Variants in RNF212B observed in about 807,000 individuals in gnomAD.
RNF212B encodes ring finger protein 212B.
A neutral mutation model predicts 55.5 loss-of-function variants in RNF212B; 52 were observed. That is an observed-to-expected ratio of 0.94 (90% CI 0.75 to 1.18). The LOEUF is 1.18. Ranked by LOEUF, RNF212B falls within the 50% of genes most tolerant of loss-of-function variation. The probability of loss-of-function intolerance (pLI) is 0.00; values close to 1 mark genes in which losing one functional copy is unlikely to be tolerated. For synonymous variants in RNF212B, 99 were observed against 121.4 expected, an observed-to-expected ratio of 0.82 and a Z score of 1.21; for missense variants, 289 against 350.4, an observed-to-expected ratio of 0.82 and a Z score of 1.40.
chr14:23,266,498 G>A (rs1885716728), intron 11 of RNF212B, among the ~76,000 whole-genome samples: 1 of 126,924 alleles, frequency 7.9e-6, no homozygotes, highest in South Asian at 2.7e-4. Flanking sequence ...CGCAACCTCC[G>A]CCTCCCAGGT....
chr14:23,218,366 T>A (rs1881280819), intron 2 of RNF212B, among the ~76,000 whole-genome samples: 1 of 81,906 alleles, frequency 1.2e-5, no homozygotes, highest in Admixed American at 1.5e-4. Context: ...AGAGTCTATC[T>A]CAAAAAAAAA....
chr14:23,270,786 T>C (rs1886018672), intron 14 of RNF212B, 125 bp downstream of exon 14: 1 of 669,952 alleles, frequency 1.5e-6, no homozygotes, highest in African/African-American at 1.8e-5. Context: ...CTCTGGTAAC[T>C]ATATGTTCAC....
intron 11 of RNF212B, among the ~76,000 whole-genome samples, chr14:23,267,027 G>A (rs781688506): frequency 1.3e-5 from 2 of 152,128 alleles, no homozygotes; most frequent in African/African-American, 2.4e-5. Context: ...GGAGTGTAGT[G>A]GCACAATTGT....
At chr14:23,199,913 A>G (rs1879116603) in intron 2 of RNF212B, among the ~76,000 whole-genome samples, 2 of 152,248 alleles carry the variant, frequency 1.3e-5, no homozygotes, top group Admixed American at 6.5e-5. Flanking sequence ...AAACATGGGA[A>G]AAAAAGAAGG....
intron 4 of RNF212B, among the ~76,000 whole-genome samples, chr14:23,245,921 T>C (rs539791941): frequency 5.9e-5 from 9 of 152,300 alleles, no homozygotes; most frequent in Non-Finnish European, 1.3e-4. Flanking sequence ...GACGTTGTCA[T>C]TGAATGAATG....
chr14:23,256,270 G>A (rs1206052204), intron 4 of RNF212B, among the ~76,000 whole-genome samples: 2 of 151,916 alleles, frequency 1.3e-5, no homozygotes, highest in Admixed American at 6.6e-5. Context: ...TGATTTGGCT[G>A]TCTATTATAT....
At chr14:23,260,555 G>T (rs191108051) in intron 6 of RNF212B, 104 bp from the exon 7 acceptor site, 3 of 1,031,978 alleles carry the variant, frequency 2.9e-6, no homozygotes, top group Non-Finnish European at 4.4e-6. Context: ...TAGCAACCAT[G>T]ACTAAGGGGC....
At chr14:23,200,768 T>C (rs1879211352) in intron 2 of RNF212B, among the ~76,000 whole-genome samples, 1 of 152,186 alleles carries the variant, frequency 6.6e-6, no homozygotes, top group Non-Finnish European at 1.5e-5. Flanking sequence ...TTCCAAGGGC[T>C]TTATTGGCTT....
chr14:23,237,824 A>T (rs1883225122), upstream of RNF212B, among the ~76,000 whole-genome samples: 1 of 152,110 alleles, frequency 6.6e-6, no homozygotes, highest in South Asian at 2.1e-4. Context: ...GCCCAGTGAC[A>T]GCCTCTGCGG....
chr14:23,263,699 C>T (rs1332850360), intron 9 of RNF212B, among the ~76,000 whole-genome samples: 4 of 152,138 alleles, frequency 2.6e-5, no homozygotes, highest in Non-Finnish European at 5.9e-5. Flanking sequence ...AGGTGTTTTC[C>T]TCCCATCAAT....
intron 1 of RNF212B, among the ~76,000 whole-genome samples, chr14:23,192,573 T>C (rs1878217966): frequency 6.6e-6 from 1 of 150,912 alleles, no homozygotes; most frequent in African/African-American, 2.4e-5. Context: ...CATTAGGAGA[T>C]ATACCTAATG....
intron 4 of RNF212B, among the ~76,000 whole-genome samples, chr14:23,246,304 A>G (rs1360635352): frequency 6.6e-6 from 1 of 152,110 alleles, no homozygotes; most frequent in Non-Finnish European, 1.5e-5. Flanking sequence ...ACATAGTACC[A>G]GGAGCATAGA....
chr14:23,195,862 G>A (rs1878608740), intron 2 of RNF212B, among the ~76,000 whole-genome samples: 1 of 152,184 alleles, frequency 6.6e-6, no homozygotes, highest in Non-Finnish European at 1.5e-5. Flanking sequence ...ATTTTACAAA[G>A]GAGGAAACGG....
intron 2 of RNF212B, among the ~76,000 whole-genome samples, chr14:23,193,715 G>C (rs1304139627): frequency 6.7e-6 from 1 of 149,232 alleles, no homozygotes; most frequent in Non-Finnish European, 1.5e-5. Flanking sequence ...AGAATATGTA[G>C]ATAGTCATAA....
intron 4 of RNF212B, among the ~76,000 whole-genome samples, chr14:23,252,728 G>A (rs140552394): frequency 6.6e-6 from 1 of 152,310 alleles, no homozygotes; most frequent in African/African-American, 2.4e-5. Flanking sequence ...TGCTGATTCA[G>A]TTCCTCTGTG....
At chr14:23,239,984 G>A (rs1387417090) in intron 1 of RNF212B, among the ~76,000 whole-genome samples, 1 of 139,898 alleles carries the variant, frequency 7.1e-6, no homozygotes, top group African/African-American at 2.6e-5. Flanking sequence ...GGAAAAAAAA[G>A]TAAAGGAAAA....
At chr14:23,229,052 TA>T (rs1281817617) in intron 2 of RNF212B, among the ~76,000 whole-genome samples, 1 of 151,772 alleles carries the variant, frequency 6.6e-6, no homozygotes, top group Non-Finnish European at 1.5e-5. Context: ...TGCTAACCTC[TA>T]ATCTACTTTC....
chr14:23,270,168 A>T (rs541381442), intron 13 of RNF212B, among the ~76,000 whole-genome samples: 1 of 152,306 alleles, frequency 6.6e-6, no homozygotes, highest in East Asian at 1.9e-4. Flanking sequence ...TCATCCTGTC[A>T]CCAGTCGAGT....
chr14:23,257,536 C>T (rs1292748115), intron 4 of RNF212B, among the ~76,000 whole-genome samples: 2 of 152,100 alleles, frequency 1.3e-5, no homozygotes, highest in Non-Finnish European at 2.9e-5. Flanking sequence ...GAGAAGAGTA[C>T]CAAGATCTAG....
Sources: gnomAD v4.1 joint callset for allele counts (sites outside exome capture counted in the v4.1 genomes callset) on GRCh38, gnomAD v4.1.1 for gene constraint, MANE v1.5 for transcripts, NCBI Gene and HGNC (gene_info 2026-07-23, HGNC 2026-07-21) for gene names.